The following RGS7 variants were observed in gnomAD, a reference collection of about 807,000 sequenced individuals.
The protein encoded by RGS7 is regulator of G-protein signaling 7.
RGS7 carries 27 observed loss-of-function variants against 81.1 expected under a neutral mutation model. That is an observed-to-expected ratio of 0.33 (90% CI 0.25 to 0.46). The LOEUF (loss-of-function observed/expected upper bound fraction) is 0.46, where lower values mean the gene tolerates loss of function less well. Among genes scored for constraint, RGS7 ranks in the 20% least tolerant of loss-of-function variants. The probability of loss-of-function intolerance (pLI) is 1.00; values close to 1 mark genes in which losing one functional copy is unlikely to be tolerated. For missense variants in RGS7, 396 were observed against 607.4 expected (o/e 0.65, Z 3.66); for synonymous variants, 208 against 207.7 (o/e 1.00, Z -0.01).
chr1:240,976,319 G>A lies in RGS7; in HGVS notation c.226+6760C>T, dbSNP rs867287646. Among the ~76,000 whole-genome samples, 26 of 149,522 alleles carry A rather than the reference G, an allele frequency of 1.7e-4. No individual in the cohort carries two copies. In the Middle Eastern group the frequency reaches 0.014, roughly 78 times the overall value. ...GCCAATGGGAACATGTAACAACATG[G>A]AAGCAATGGGGTGGACTGTCAACAG... On this transcript the variant is annotated intron_variant, in intron 4 of 18. Coordinates refer to ENST00000440928, the MANE Select transcript of RGS7 (RefSeq NM_001364886.1).
intron 18 of RGS7, among the ~76,000 whole-genome samples, chr1:240,789,783 C>CGGTCCTGT (rs1222741751): frequency 6.6e-6 from 1 of 152,142 alleles, no homozygotes; most frequent in Admixed American, 6.5e-5. Flanking sequence ...AATTTCACCC[C>CGGTCCTGT]GGTCCTGTGG....
chr1:241,123,579 C>T (rs922947155), intron 2 of RGS7, among the ~76,000 whole-genome samples: 34 of 152,196 alleles, frequency 2.2e-4, no homozygotes, highest in African/African-American at 7.5e-4. Context: ...GGAGAAACCC[C>T]GTCTCTACTA....
Position 240,944,274 on chromosome 1 carries a change from GTGTGTGTGTATATATATATATATA to G in RGS7, c.227-7592_227-7569del, listed in dbSNP as rs1392274579. ...TGTTATATTATATGTGTGTGTGTGT[GTGTGTGTGTATATATATATATATA>G]TATATATATATATATATATATATAT... On this transcript the variant is annotated intron_variant, in intron 4 of 18. Coordinates refer to ENST00000440928, the MANE Select transcript of RGS7 (RefSeq NM_001364886.1). 2.0e-3 allele frequency among the ~76,000 whole-genome samples: 37 copies of G among 18,824 alleles called. 1 individual carries two copies. Among genetic ancestry groups the G allele is most frequent in the African/African-American group, 4.5e-3 (34 of 7,532 alleles). The allele number at this position is 18,824 out of a possible 152,430, so 12.3% of individuals were successfully genotyped here.
intron 2 of RGS7, among the ~76,000 whole-genome samples, chr1:241,157,027 T>G (rs1478175734): frequency 6.6e-6 from 1 of 152,124 alleles, no homozygotes; most frequent in East Asian, 1.9e-4. Context: ...TATGTGTGAG[T>G]GTACATATAT....
At chr1:241,156,257 T>C (rs2069141547) in intron 2 of RGS7, among the ~76,000 whole-genome samples, 1 of 152,162 alleles carries the variant, frequency 6.6e-6, no homozygotes, top group African/African-American at 2.4e-5. Context: ...TTTAGGAGCC[T>C]GAAGCTGGAG....
At chr1:240,944,349 T>C (rs1394277241) in intron 4 of RGS7, among the ~76,000 whole-genome samples, 1 of 132,846 alleles carries the variant, frequency 7.5e-6, no homozygotes, top group Non-Finnish European at 1.6e-5. Flanking sequence ...GTGCATAGAA[T>C]AGTATTCAGA....
At chr1:240,975,326 T>G (rs1057181731) in intron 4 of RGS7, among the ~76,000 whole-genome samples, 14 of 152,052 alleles carry the variant, frequency 9.2e-5, no homozygotes, top group Non-Finnish European at 2.1e-4. Context: ...AGCTTGAACC[T>G]GGGAGGCAGA....
intron 2 of RGS7, among the ~76,000 whole-genome samples, chr1:241,201,294 T>C (rs1001370717): frequency 6.6e-6 from 1 of 152,222 alleles, no homozygotes; most frequent in African/African-American, 2.4e-5. Context: ...CATTCTCTAA[T>C]GGACTTCTTT....
chr1:240,823,034 C>A, intron 10 of RGS7: 2 of 589,098 alleles, frequency 3.4e-6, no homozygotes, highest in South Asian at 3.9e-5. Context: ...TTCAAATGTT[C>A]TGGTAAATCT....
intron 3 of RGS7, among the ~76,000 whole-genome samples, chr1:241,030,377 T>C (rs371672315): frequency 0.083 from 11,315 of 136,754 alleles, 1,286 homozygotes; most frequent in African/African-American, 0.22. Flanking sequence ...TATATATACA[T>C]ACACACATAC....
chr1:241,174,555 G>A (rs924452646), intron 2 of RGS7, among the ~76,000 whole-genome samples: 8 of 152,296 alleles, frequency 5.3e-5, no homozygotes, highest in African/African-American at 1.9e-4. Flanking sequence ...TGTTTGCCAG[G>A]CACTGGGCTG....
intron 3 of RGS7, among the ~76,000 whole-genome samples, chr1:241,061,338 C>T (rs2148833591): frequency 6.6e-6 from 1 of 152,262 alleles, no homozygotes; most frequent in East Asian, 1.9e-4. Context: ...AGAGTAAACT[C>T]ATATTTAGGA....
chr1:241,248,423 T>C (rs1302580628), intron 2 of RGS7, among the ~76,000 whole-genome samples: 1 of 148,426 alleles, frequency 6.7e-6, no homozygotes, highest in South Asian at 2.1e-4. Context: ...CATATATATA[T>C]AATCAAATAA....
At chr1:241,260,102 G>C (rs185805551) in intron 2 of RGS7, among the ~76,000 whole-genome samples, 1 of 152,042 alleles carries the variant, frequency 6.6e-6, no homozygotes, top group Non-Finnish European at 1.5e-5. Context: ...TTACTGCTTC[G>C]TCTCAGAAAG....
At chr1:240,799,976 C>T (rs1307840816) in intron 18 of RGS7, among the ~76,000 whole-genome samples, 2 of 152,118 alleles carry the variant, frequency 1.3e-5, no homozygotes, top group East Asian at 3.9e-4. Context: ...ATTTGACTTC[C>T]CCTTTCCATC....
chr1:241,339,551 A>C (rs900065242), intron 2 of RGS7, among the ~76,000 whole-genome samples: 3 of 152,220 alleles, frequency 2.0e-5, no homozygotes, highest in African/African-American at 7.2e-5. Flanking sequence ...AATATCTTAA[A>C]GAAAGTATAA....
intron 3 of RGS7, among the ~76,000 whole-genome samples, chr1:241,073,447 A>AT (rs1312576375): frequency 1.3e-5 from 2 of 152,258 alleles, no homozygotes; most frequent in African/African-American, 4.8e-5. Context: ...AGGTGGCTAC[A>AT]TACAACAAAT....
chr1:240,998,049 C>T (rs1687560219), intron 3 of RGS7, among the ~76,000 whole-genome samples: 1 of 152,130 alleles, frequency 6.6e-6, no homozygotes, highest in South Asian at 2.1e-4. Context: ...CCCGTTATGC[C>T]TCAGGAAAAA....
intron 2 of RGS7, among the ~76,000 whole-genome samples, chr1:241,264,724 T>C (rs1342792039): frequency 6.6e-6 from 1 of 152,146 alleles, no homozygotes; most frequent in African/African-American, 2.4e-5. Context: ...TTGGTGTGGA[T>C]TGACTCTGCC....
Sources: allele counts gnomAD v4.1 joint callset (sites outside exome capture counted in the v4.1 genomes callset), GRCh38; gene constraint gnomAD v4.1.1; transcripts MANE v1.5; gene names NCBI Gene and HGNC (gene_info 2026-07-23, HGNC 2026-07-21).